NEDD4L: variants seen among roughly 807,000 people sequenced by gnomAD.
NEDD4L encodes the protein NEDD4 like E3 ubiquitin protein ligase.
Under a neutral mutation model 148.9 loss-of-function variants are expected in NEDD4L, and 54 were observed. The ratio of observed to expected loss-of-function variants is 0.36; its 90% confidence interval spans 0.29 to 0.45. The LOEUF (loss-of-function observed/expected upper bound fraction) is 0.45, where lower values mean the gene tolerates loss of function less well. Ranked by LOEUF, NEDD4L falls within the 20% of genes least tolerant of loss-of-function variation. NEDD4L has a pLI of 1.00. For missense variants in NEDD4L, 856 were observed against 1,233.8 expected, an observed-to-expected ratio of 0.69 and a Z score of 4.59; for synonymous variants, 433 against 440.7, an observed-to-expected ratio of 0.98 and a Z score of 0.22.
chr18:58,324,580 A>G (rs1188738747), intron 8 of NEDD4L, among the ~76,000 whole-genome samples: 1 of 152,144 alleles, frequency 6.6e-6, no homozygotes, highest in Non-Finnish European at 1.5e-5. Flanking sequence ...TACCTCATAG[A>G]GGTGTTGAAA....
At chr18:58,308,316 AC>A (rs1266581686) in intron 5 of NEDD4L, among the ~76,000 whole-genome samples, 3 of 152,204 alleles carry the variant, frequency 2.0e-5, no homozygotes, top group Non-Finnish European at 2.9e-5. Context: ...TAATAACAGG[AC>A]CCCAGTAATA....
At chr18:58,200,348 G>A (rs1316841307) in intron 2 of NEDD4L, among the ~76,000 whole-genome samples, 1 of 152,180 alleles carries the variant, frequency 6.6e-6, no homozygotes, top group African/African-American at 2.4e-5. Flanking sequence ...CTGTCAACTG[G>A]AAGTGCTACC....
intron 16 of NEDD4L, among the ~76,000 whole-genome samples, chr18:58,348,036 A>G (rs2043323943): frequency 6.6e-6 from 1 of 151,930 alleles, no homozygotes; most frequent in South Asian, 2.1e-4. Flanking sequence ...TGCATCACCC[A>G]GGCTGGAGTA....
chr18:58,290,285 A>G (rs1202314209), intron 5 of NEDD4L, among the ~76,000 whole-genome samples: 3 of 152,260 alleles, frequency 2.0e-5, no homozygotes, highest in Non-Finnish European at 2.9e-5. Flanking sequence ...TTGTTTTGCT[A>G]ATCTTATTAA....
chr18:58,256,350 C>T lies in NEDD4L; in HGVS notation c.297+4296C>T. On this transcript the variant is annotated intron_variant, in intron 5 of 30. Transcript: ENST00000400345. The surrounding 1 kb of genome is among the most constrained non-coding windows in gnomAD (Gnocchi z 5.2). ...CACGTTCCAGATGCTTCTGGAAGCT[C>T]TGGGAAGCGGTGTTTTGTCTTCCAG... 2 of 1,232,178 alleles carry T rather than the reference C, an allele frequency of 1.6e-6. No individual in the cohort carries two copies. The highest frequency in any genetic ancestry group is 4.2e-5 in the Admixed American group (1 of 23,730). 76.3% of individuals were successfully genotyped at this position (1,232,178 alleles called of 1,614,324 possible). A position where few individuals can be genotyped will look rare whatever the true frequency, so the allele number is the denominator to read the frequency against.
chr18:58,213,940 T>A (rs78494030), intron 2 of NEDD4L, among the ~76,000 whole-genome samples: 198 of 152,056 alleles, frequency 1.3e-3, no homozygotes, highest in South Asian at 6.8e-3. Context: ...GTGCCTCTCG[T>A]TTGCCCCTTT....
rs202231187 is a variant in NEDD4L, at chr18:58,329,012, C to T, written c.698C>T (p.Ser233Leu). 7,399 of 1,613,978 alleles carry T rather than the reference C, an allele frequency of 4.6e-3. 32 individuals carry two copies. The highest frequency in any genetic ancestry group is 0.01 in the Middle Eastern group (62 of 6,062). Residue 233 changes from serine (S) to leucine (L), a missense_variant, in exon 10 of 31, where the codon TCG becomes TTG. This residue lies in a region of NEDD4L where 367 missense variants were observed against 422.7 expected (regional missense o/e 0.87). Coordinates refer to ENST00000400345, the MANE Select transcript of NEDD4L (RefSeq NM_001144967.3). ...RPSLMDVSSE[S>L]DNNIRQINQE... ...ATGCTCAGGGACGTGTCCTCGGAGT[C>T]GGACAATAACATCAGACAGATCAAC...
intron 5 of NEDD4L, among the ~76,000 whole-genome samples, chr18:58,273,972 T>A (rs746081660): frequency 1.3e-5 from 2 of 152,262 alleles, no homozygotes; most frequent in Non-Finnish European, 2.9e-5. Flanking sequence ...GAGTCCAGGC[T>A]GGCCTTGGGG....
At chr18:58,283,658 C>G (rs1568571817) in intron 5 of NEDD4L, among the ~76,000 whole-genome samples, 2 of 152,234 alleles carry the variant, frequency 1.3e-5, no homozygotes, top group Non-Finnish European at 2.9e-5. Context: ...GCTGCTGGTG[C>G]TACACAACAT....
intron 1 of NEDD4L, among the ~76,000 whole-genome samples, chr18:58,147,886 C>A (rs1161979979): frequency 6.6e-6 from 1 of 152,144 alleles, no homozygotes; most frequent in Admixed American, 6.5e-5. Context: ...ACCTTACTGT[C>A]CCCCAAAGCC....
At chr18:58,234,120 TCC>T (rs1491027059) in intron 2 of NEDD4L, among the ~76,000 whole-genome samples, 8 of 98,980 alleles carry the variant, frequency 8.1e-5, no homozygotes, top group African/African-American at 3.4e-4. Flanking sequence ...TCTTTTCTTT[TCC>T]TTCTTTTTTT....
intron 1 of NEDD4L, 139 bp from the exon 2 acceptor site, chr18:58,165,649 A>G (rs2036755802): frequency 2.0e-6 from 3 of 1,527,672 alleles, no homozygotes; most frequent in Non-Finnish European, 2.6e-6. Context: ...AGTGTAAGGA[A>G]GAATTGCTTA....
chr18:58,140,896 A>G (rs989574414), intron 1 of NEDD4L, among the ~76,000 whole-genome samples: 17 of 152,164 alleles, frequency 1.1e-4, no homozygotes, highest in African/African-American at 3.6e-4. Flanking sequence ...AGCATTGAGG[A>G]TTTCATTATG....
chr18:58,286,809 G>A (rs2053969229), intron 5 of NEDD4L, among the ~76,000 whole-genome samples: 1 of 152,218 alleles, frequency 6.6e-6, no homozygotes, highest in East Asian at 1.9e-4. Context: ...GGACCACAGT[G>A]ATGAAGATGA....
rs933585619 is a variant in NEDD4L at position 58,396,370 on chromosome 18, G to A, written c.*101G>A. On this transcript the variant is annotated 3_prime_UTR_variant, in exon 31 of 31. Transcript: ENST00000400345. ...GCAGAGGCGATGGCAGAGAGCAGCT[G>A]CAGGCATGGTCCCTGGAGCCGAGCC... is the stretch of plus-strand genomic sequence containing the variant. The A allele has an allele frequency of 4.2e-5, 32 of 765,672 alleles. No individual in the cohort carries two copies. Among genetic ancestry groups the A allele is most frequent in the South Asian group, 2.6e-4 (17 of 64,180 alleles). 47.4% of individuals were successfully genotyped at this position (765,672 alleles called of 1,614,324 possible). A position where few individuals can be genotyped will look rare whatever the true frequency, so the allele number is the denominator to read the frequency against.
intron 1 of NEDD4L, among the ~76,000 whole-genome samples, chr18:58,110,748 C>A (rs555855818): frequency 1.3e-5 from 2 of 152,312 alleles, no homozygotes; most frequent in South Asian, 4.1e-4. Context: ...TGTAAGAGAC[C>A]AAACCTTGCT....
intron 2 of NEDD4L, among the ~76,000 whole-genome samples, chr18:58,234,475 G>C (rs1417233236): frequency 6.6e-6 from 1 of 151,548 alleles, no homozygotes; most frequent in Non-Finnish European, 1.5e-5. Flanking sequence ...GGGACCATGG[G>C]TGTTTGCCAC....
chr18:58,201,415 A>G (rs1489850613), intron 2 of NEDD4L, among the ~76,000 whole-genome samples: 1 of 152,180 alleles, frequency 6.6e-6, no homozygotes, highest in African/African-American at 2.4e-5. Flanking sequence ...AGACAACATG[A>G]GAGCCAACAG....
rs1001086638 is a variant in NEDD4L, at chr18:58,354,136, A to G, written c.1709-3058A>G. Among the ~76,000 whole-genome samples the G allele has an allele frequency of 4.6e-5, 7 of 152,186 alleles. No homozygotes were observed. The East Asian group carries it at 1.3e-3, about 29-fold the overall frequency. ...GAATGGCTCCTGGCTCTTGGGCCTC[A>G]GGTGGGAGGTTAAAGGAAGGTCTTA... On this transcript the variant is annotated intron_variant, in intron 18 of 30. Coordinates refer to ENST00000400345, the MANE Select transcript of NEDD4L (RefSeq NM_001144967.3).
Sources: allele counts gnomAD v4.1 joint callset (sites outside exome capture counted in the v4.1 genomes callset), GRCh38; gene constraint gnomAD v4.1.1; regional missense constraint gnomAD v4.1.1; non-coding constraint Gnocchi (gnomAD v3.1); transcripts MANE v1.5; gene names NCBI Gene and HGNC (gene_info 2026-07-23, HGNC 2026-07-21).